The following ABL1 variants were observed in gnomAD, a reference collection of about 807,000 sequenced individuals.
ABL1 encodes the protein ABL proto-oncogene 1, non-receptor tyrosine kinase, also known as tyrosine-protein kinase ABL1.
A neutral mutation model predicts 94.7 loss-of-function variants in ABL1; 11 were observed. The observed-to-expected ratio is 0.12, with a 90% CI of 0.07 to 0.19. The LOEUF (loss-of-function observed/expected upper bound fraction) is 0.19. Ranked by LOEUF, ABL1 falls within the 10% of genes least tolerant of loss-of-function variation. The pLI is 1.00. For synonymous variants in ABL1, 656 were observed against 622.4 expected (o/e 1.05, Z -0.80); for missense variants, 1,082 against 1,489.4 (o/e 0.73, Z 4.50).
At chr9:130,820,144 C>A (rs1398576746) in intron 1 of ABL1, among the ~76,000 whole-genome samples, 1 of 152,096 alleles carries the variant, frequency 6.6e-6, no homozygotes, top group East Asian at 1.9e-4. Flanking sequence ...ATGTTTACTA[C>A]CTAGACATTT....
chr9:130,861,020 G>T (rs1000416937), intron 3 of ABL1, among the ~76,000 whole-genome samples: 1 of 152,196 alleles, frequency 6.6e-6, no homozygotes, highest in Non-Finnish European at 1.5e-5. Flanking sequence ...GTGCACGTTC[G>T]TGGGTCTGAG....
chr9:130,791,305 C>A (rs182341860), intron 1 of ABL1, among the ~76,000 whole-genome samples: 1 of 152,012 alleles, frequency 6.6e-6, no homozygotes, highest in East Asian at 1.9e-4. Context: ...CATGAAACAG[C>A]CTTTAAATAA....
intron 1 of ABL1, among the ~76,000 whole-genome samples, chr9:130,807,487 G>T (rs897476312): frequency 6.6e-6 from 1 of 151,554 alleles, no homozygotes; most frequent in Non-Finnish European, 1.5e-5. Context: ...TGATCTGCCC[G>T]CCGTGGCCTC....
intron 1 of ABL1, chr9:130,724,775 ATAAAT>A: frequency 2.1e-6 from 1 of 469,376 alleles, no homozygotes; most frequent in South Asian, 1.6e-5. Flanking sequence ...AAAAAAGCAA[ATAAAT>A]TCTTGAGATG....
chr9:130,807,917 C>T (rs1236242131), intron 1 of ABL1, among the ~76,000 whole-genome samples: 3 of 151,012 alleles, frequency 2.0e-5, no homozygotes, highest in Admixed American at 6.6e-5. Flanking sequence ...AGGCTGGTCT[C>T]GAACTCCTGA....
chr9:130,736,351 G>A (rs1831742777), intron 1 of ABL1, among the ~76,000 whole-genome samples: 2 of 152,242 alleles, frequency 1.3e-5, no homozygotes, highest in South Asian at 4.1e-4. Flanking sequence ...GTAATACAGA[G>A]GTTGCCTTCA....
chr9:130,868,237 C>T (rs990611796), intron 4 of ABL1, among the ~76,000 whole-genome samples: 6 of 152,152 alleles, frequency 3.9e-5, no homozygotes, highest in Admixed American at 3.9e-4. Context: ...GGATTACAGG[C>T]GTGAGCCACC....
At chr9:130,852,463 C>T (rs1361318109) in intron 1 of ABL1, among the ~76,000 whole-genome samples, 1 of 152,194 alleles carries the variant, frequency 6.6e-6, no homozygotes, top group Non-Finnish European at 1.5e-5. Context: ...CCTGCCTCAG[C>T]CTCCCAATGT....
In ABL1 at chr9:130,723,534, G is replaced by T. The variant is rs757614854; in HGVS notation, c.136+9079G>T. ...TACTCCAGCCTGTGTGATAAAGCAA[G>T]ACCCTATCCTTTAAAAGTAAAAAAC... is the stretch of plus-strand genomic sequence containing the variant. On this transcript the variant is annotated intron_variant, in intron 1 of 10. Transcript: ENST00000372348. 7.4e-4 allele frequency among the ~76,000 whole-genome samples: 113 copies of T among 152,022 alleles called. 2 individuals are homozygous for T. The highest frequency in any genetic ancestry group is 4.8e-3 in the Admixed American group (73 of 15,244).
At chr9:130,760,849 T>G (rs1293042241) in intron 1 of ABL1, among the ~76,000 whole-genome samples, 2 of 150,524 alleles carry the variant, frequency 1.3e-5, no homozygotes, top group African/African-American at 2.4e-5. Flanking sequence ...TATTTTTTGG[T>G]AGAGACGGGG....
intron 1 of ABL1, among the ~76,000 whole-genome samples, chr9:130,820,023 C>G (rs1048554864): frequency 3.9e-5 from 6 of 151,942 alleles, no homozygotes; most frequent in East Asian, 1.9e-4. Flanking sequence ...GTGACTTCTG[C>G]TTGTTGGACT....
chr9:130,745,860 G>A (rs111888213), intron 1 of ABL1, among the ~76,000 whole-genome samples: 2,752 of 152,148 alleles, frequency 0.018, 34 homozygotes, highest in Middle Eastern at 0.037. Context: ...AATAAATAAA[G>A]TGGACCTGGA....
At chr9:130,803,527 G>A (rs1830084666) in intron 1 of ABL1, among the ~76,000 whole-genome samples, 1 of 152,214 alleles carries the variant, frequency 6.6e-6, no homozygotes, top group Admixed American at 6.5e-5. Flanking sequence ...TTATAGAGAT[G>A]TAACTTTAAA....
At chr9:130,851,766 C>CTTTTTT (rs149948786) in intron 1 of ABL1, among the ~76,000 whole-genome samples, 24 of 122,760 alleles carry the variant, frequency 2.0e-4, no homozygotes, top group East Asian at 6.7e-4. Flanking sequence ...CTCTCTTTTT[C>CTTTTTT]TTTTTTTTTT....
chr9:130,753,073 G>A (rs1267971629), intron 1 of ABL1, among the ~76,000 whole-genome samples: 2 of 151,840 alleles, frequency 1.3e-5, no homozygotes, highest in South Asian at 2.1e-4. Context: ...TGGCTAACAC[G>A]GTGAAACCCC....
intron 4 of ABL1, among the ~76,000 whole-genome samples, chr9:130,866,085 G>T (rs2132979776): frequency 6.6e-6 from 1 of 152,248 alleles, no homozygotes; most frequent in South Asian, 2.1e-4. Flanking sequence ...AATCTGCAAA[G>T]ATCTGAGCTC....
At chr9:130,838,990 G>A (rs1830629126) in intron 1 of ABL1, among the ~76,000 whole-genome samples, 1 of 152,070 alleles carries the variant, frequency 6.6e-6, no homozygotes, top group South Asian at 2.1e-4. Flanking sequence ...GCTCACTGCA[G>A]CCTTGAGCTC....
Position 130,862,629 on chromosome 9 carries a change from C to G in ABL1, c.550-134C>G, listed in dbSNP as rs949064851. On this transcript the variant is annotated intron_variant, in intron 3 of 10. Coordinates refer to ENST00000318560, the MANE Select transcript of ABL1 (RefSeq NM_005157.6). The surrounding 1 kb of genome is among the most constrained non-coding windows in gnomAD (Gnocchi z 5.5). ...GACAGCAGAAGTGATCTTCTAAACA[C>G]TCTGTCCTGTGTGGAGAGCTCCTTA... The G allele has an allele frequency of 3.1e-6, 3 of 964,268 alleles. No homozygotes were observed. The allele number at this position is 964,268 out of a possible 1,614,324, so 59.7% of individuals were successfully genotyped here. A position where few individuals can be genotyped will look rare whatever the true frequency, so the allele number is the denominator to read the frequency against.
intron 1 of ABL1, among the ~76,000 whole-genome samples, chr9:130,813,558 C>A (rs2132860371): frequency 1.0e-5 from 1 of 96,596 alleles, no homozygotes; most frequent in Admixed American, 1.4e-4. Flanking sequence ...GAGACTCCAT[C>A]TCCAAAAAAA....
Sources: gnomAD v4.1 joint callset for allele counts (sites outside exome capture counted in the v4.1 genomes callset) on GRCh38, gnomAD v4.1.1 for gene constraint, Gnocchi (gnomAD v3.1) non-coding constraint, MANE v1.5 for transcripts, NCBI Gene and HGNC (gene_info 2026-07-23, HGNC 2026-07-21) for gene names.